The following SCD variants were observed in gnomAD, a reference collection of about 807,000 sequenced individuals.
The protein encoded by SCD is acyl-CoA desaturase.
SCD carries 4 observed loss-of-function variants against 35.7 expected under a neutral mutation model. That is an observed-to-expected ratio of 0.11 (90% CI 0.06 to 0.26). SCD has a LOEUF of 0.26. Among genes scored for constraint, SCD ranks in the 10% least tolerant of loss-of-function variants. The probability of loss-of-function intolerance (pLI) is 1.00; values close to 1 mark genes in which losing one functional copy is unlikely to be tolerated. For missense variants in SCD, 282 were observed against 460.7 expected (o/e 0.61, Z 3.55); for synonymous variants, 150 against 170.2 (o/e 0.88, Z 0.92).
chr10:100,347,628 G>A, intron 1 of SCD, 97 bp downstream of exon 1: 1 of 1,365,630 alleles, frequency 7.3e-7, no homozygotes, highest in Non-Finnish European at 1.0e-6. Context: ...AGAGCTCCGC[G>A]GAGGACTTGG....
intron 2 of SCD, among the ~76,000 whole-genome samples, chr10:100,350,772 G>A (rs1403387118): frequency 6.6e-6 from 1 of 152,182 alleles, no homozygotes; most frequent in Non-Finnish European, 1.5e-5. Context: ...ATTAGAGAGA[G>A]CTCTGGCTCA....
intron 1 of SCD, 104 bp from the exon 2 acceptor site, chr10:100,347,960 G>A: frequency 8.5e-7 from 1 of 1,177,046 alleles, no homozygotes; most frequent in Non-Finnish European, 1.2e-6. Flanking sequence ...GCTGCGGAAG[G>A]GTCCGTACTG....
At position 100,349,575 on chromosome 10, in the gene SCD, G is replaced by A. The variant is rs1352724842; in HGVS notation, c.310+1229G>A. ...TTTTGTTTCCAGAAATCCTCCAGGT[G>A]CTACAGTGAAATGCAACTGAGAAGA... On this transcript the variant is annotated intron_variant, in intron 2 of 5. Transcript: ENST00000370355. Among the ~76,000 whole-genome samples, 4 of 152,316 alleles carry A rather than the reference G, an allele frequency of 2.6e-5. No individual in the cohort carries two copies. The East Asian group carries it at 7.7e-4, about 29-fold the overall frequency.
chr10:100,350,884 T>C (rs1000653929), intron 2 of SCD, among the ~76,000 whole-genome samples: 1 of 152,118 alleles, frequency 6.6e-6, no homozygotes, highest in African/African-American at 2.4e-5. Flanking sequence ...CAGTCCCCAC[T>C]CTGAGGGAAT....
At chr10:100,357,285 A>G (rs1286505368) in intron 5 of SCD, among the ~76,000 whole-genome samples, 5 of 152,270 alleles carry the variant, frequency 3.3e-5, no homozygotes. Context: ...AAATAGAACA[A>G]TGGGATCATC....
Position 100,364,795 on chromosome 10 carries a change from G to C in SCD, c.*3862G>C, listed in dbSNP as rs1401263525. ...GCTAATTGTACTAATCTGAGATTGT[G>C]TTTGTTCATAATAAAAGTGAAGTGA... On this transcript the variant is annotated 3_prime_UTR_variant, in exon 6 of 6. Coordinates refer to ENST00000370355, the MANE Select transcript of SCD (RefSeq NM_005063.5). 2 of 152,582 alleles carry C rather than the reference G, an allele frequency of 1.3e-5. No individual in the cohort carries two copies. The highest frequency in any genetic ancestry group is 4.8e-5 in the African/African-American group (2 of 41,420). 9.5% of individuals were successfully genotyped at this position (152,582 alleles called of 1,614,324 possible).
intron 3 of SCD, among the ~76,000 whole-genome samples, chr10:100,353,117 C>A (rs1849888665): frequency 6.6e-6 from 1 of 152,166 alleles, no homozygotes; most frequent in Non-Finnish European, 1.5e-5. Flanking sequence ...ATGAGCCTGG[C>A]ACTATTCTAA....
In SCD at chr10:100,360,734, G is replaced by C. The variant is rs1192672918; in HGVS notation, c.881G>C (p.Gly294Ala). ...CCATAACTTCTCGCTTTTGTTTCAGGTGAGGGCTTCCACAACTACCACCAC... is the reference window on the plus strand; with the variant it reads ...CCATAACTTCTCGCTTTTGTTTCAGCTGAGGGCTTCCACAACTACCACCAC... ...ENILVSLGAV[G>A]EGFHNYHHSF... The change falls in exon 6 of 6, where the codon GGT (glycine) becomes GCT (alanine). Residue 294 changes from glycine (G) to alanine (A), a missense_variant and splice_region_variant. This residue lies in a region of SCD where 205 missense variants were observed against 372.3 expected (regional missense o/e 0.55). Transcript: ENST00000370355. 6.2e-7 allele frequency: 1 copy of C among 1,613,882 alleles called. No individual in the cohort carries two copies. Among genetic ancestry groups the C allele is most frequent in the Non-Finnish European group, 8.5e-7 (1 of 1,179,812 alleles).
chr10:100,360,777 C>T lies in SCD; in HGVS notation c.924C>T (p.Tyr308=), dbSNP rs61732512. The change falls in exon 6 of 6, where the codon TAC becomes TAT. Residue 308 remains tyrosine, a synonymous_variant. Transcript: ENST00000370355. ...ACCACCACTCCTTTCCCTATGACTA[C>T]TCTGCCAGTGAGTACCGCTGGCACA... is the stretch of plus-strand genomic sequence containing the variant. ...HNYHHSFPYD[Y]SASEYRWHIN... 4.1e-3 allele frequency: 6,616 copies of T among 1,613,978 alleles called. 206 individuals are homozygous for T. In the African/African-American group the frequency reaches 0.072, roughly 18 times the overall value.
At chr10:100,359,235 C>T (rs1849964114) in intron 5 of SCD, among the ~76,000 whole-genome samples, 1 of 152,126 alleles carries the variant, frequency 6.6e-6, no homozygotes. Flanking sequence ...GCTTTCCTCC[C>T]TTATCACCTC....
In SCD at chr10:100,356,689, C is replaced by T; in HGVS notation, c.805C>T (p.His269Tyr). 1.9e-6 allele frequency: 3 copies of T among 1,614,260 alleles called. No individual in the cohort carries two copies. Among genetic ancestry groups the T allele is most frequent in the Non-Finnish European group, 2.5e-6 (3 of 1,180,052 alleles). ...CACCTGGCTGGTGAACAGTGCTGCCCACCTCTTCGGATATCGTCCTTATGA... is the reference window on the plus strand; with the variant it reads ...CACCTGGCTGGTGAACAGTGCTGCCTACCTCTTCGGATATCGTCCTTATGA... Reference protein sequence around the residue: ...NATWLVNSAAHLFGYRPYDKN... With the variant: ...NATWLVNSAAYLFGYRPYDKN... Residue 269 changes from histidine (H) to tyrosine (Y), a missense_variant, in exon 5 of 6, where the codon CAC (histidine) becomes TAC (tyrosine). This residue lies in a region of SCD where 205 missense variants were observed against 372.3 expected (regional missense o/e 0.55). Transcript: ENST00000370355. This position sits in a 1 kb window ranked among gnomAD's most constrained non-coding sequence, Gnocchi z 4.1.
At chr10:100,358,598 C>CA (rs547927999) in intron 5 of SCD, among the ~76,000 whole-genome samples, 4,507 of 78,506 alleles carry the variant, frequency 0.057, 464 homozygotes, top group African/African-American at 0.21. Context: ...GACTCCGTCT[C>CA]AAAAAAAAAA....
In SCD at chr10:100,361,005, T is replaced by G; in HGVS notation, c.*72T>G. ...GTTTTAATGTCTGTTTATTAACTAC[T>G]GAATAATGCTACCAGGATGCTAAAG... On this transcript the variant is annotated 3_prime_UTR_variant, in exon 6 of 6. Transcript: ENST00000370355. 5 of 1,217,288 alleles carry G rather than the reference T, an allele frequency of 4.1e-6. No homozygotes were observed. The South Asian group carries it at 6.5e-5, about 16-fold the overall frequency. The allele number at this position is 1,217,288 out of a possible 1,614,324, so 75.4% of individuals were successfully genotyped here.
chr10:100,354,398 C>T, intron 3 of SCD, 29 bp from the exon 4 acceptor site: 2 of 1,592,812 alleles, frequency 1.3e-6, no homozygotes, highest in East Asian at 4.5e-5. Flanking sequence ...TATCCTCAAG[C>T]CTTACATTCC....
intron 4 of SCD, among the ~76,000 whole-genome samples, chr10:100,355,424 C>T (rs180735339): frequency 6.6e-6 from 1 of 152,236 alleles, no homozygotes; most frequent in East Asian, 1.9e-4. Context: ...CAATAGAGTC[C>T]TTTTGCTTGA....
intron 2 of SCD, among the ~76,000 whole-genome samples, chr10:100,351,495 C>G (rs891870884): frequency 3.9e-5 from 6 of 152,100 alleles, no homozygotes; most frequent in African/African-American, 1.2e-4. Context: ...ATGCACAGGG[C>G]TAATTTTTCC....
rs757778638 is a variant in SCD at position 100,348,075 on chromosome 10, C to G, written c.39C>G (p.Ser13=). ...AHLLQDDISS[S]YTTTTTITAP... ...CCTCCCCCTTCCAGATCTCTAGCTC[C>G]TATACCACCACCACCACCATTACAG... The change falls in exon 2 of 6, where the codon TCC becomes TCG. Residue 13 remains serine, a synonymous_variant. Transcript: ENST00000370355. The G allele has an allele frequency of 1.2e-6, 2 of 1,613,672 alleles. No homozygotes were observed. The highest frequency in any genetic ancestry group is 3.3e-5 in the Admixed American group (2 of 59,982).
At position 100,347,351 on chromosome 10, in the gene SCD, C is replaced by T; in HGVS notation, c.-154C>T. ...TAAATTCCCGGCTCGGGGACCTCCACGCACCGCGGCTAGCGCCGACAACCA... is the reference window on the plus strand; with the variant it reads ...TAAATTCCCGGCTCGGGGACCTCCATGCACCGCGGCTAGCGCCGACAACCA... On this transcript the variant is annotated 5_prime_UTR_variant, in exon 1 of 6. It adds an upstream start codon to the 5' untranslated region. Coordinates refer to ENST00000370355, the MANE Select transcript of SCD (RefSeq NM_005063.5). 1 of 816,712 alleles carries T rather than the reference C, an allele frequency of 1.2e-6. No individual in the cohort carries two copies. The highest frequency in any genetic ancestry group is 2.1e-6 in the Non-Finnish European group (1 of 482,518). The allele number at this position is 816,712 out of a possible 1,614,324, so 50.6% of individuals were successfully genotyped here. A position where few individuals can be genotyped will look rare whatever the true frequency, so the allele number is the denominator to read the frequency against.
At position 100,363,103 on chromosome 10, in the gene SCD, A is replaced by G; in HGVS notation, c.*2170A>G. On this transcript the variant is annotated 3_prime_UTR_variant, in exon 6 of 6. Coordinates refer to ENST00000370355, the MANE Select transcript of SCD (RefSeq NM_005063.5). ...GTTCCCTGGAGTCAGGGTGAACTGC[A>G]AAGCTTTGGCTGAGACCTGGGATTT... 1 of 152,326 alleles carries G rather than the reference A, an allele frequency of 6.6e-6. No homozygotes were observed. The highest frequency in any genetic ancestry group is 1.9e-4 in the East Asian group (1 of 5,200). The allele number at this position is 152,326 out of a possible 1,614,324, so 9.4% of individuals were successfully genotyped here.
Sources: allele counts gnomAD v4.1 joint callset (sites outside exome capture counted in the v4.1 genomes callset), GRCh38; gene constraint gnomAD v4.1.1; regional missense constraint gnomAD v4.1.1; non-coding constraint Gnocchi (gnomAD v3.1); transcripts MANE v1.5; gene names NCBI Gene and HGNC (gene_info 2026-07-23, HGNC 2026-07-21).